The following COL24A1 variants were observed in gnomAD, a reference collection of about 807,000 sequenced individuals.
COL24A1 encodes the protein collagen alpha-1(XXIV) chain.
In COL24A1, 224 loss-of-function variants were observed where a neutral mutation model predicts 253.9. That is an observed-to-expected ratio of 0.88 (90% CI 0.79 to 0.99). The LOEUF is 0.99. Ranked by LOEUF, COL24A1 falls within the 50% of genes least tolerant of loss-of-function variation. The probability of loss-of-function intolerance (pLI) is 0.00; values close to 1 mark genes in which losing one functional copy is unlikely to be tolerated. For synonymous variants in COL24A1, 685 were observed against 673.7 expected, an observed-to-expected ratio of 1.02 and a Z score of -0.26; for missense variants, 2,131 against 2,068.5, an observed-to-expected ratio of 1.03 and a Z score of -0.59.
chr1:85,954,802 C>G (rs560996993), intron 24 of COL24A1, among the ~76,000 whole-genome samples: 1 of 152,138 alleles, frequency 6.6e-6, no homozygotes, highest in South Asian at 2.1e-4. Flanking sequence ...CAGGAGGGGT[C>G]GATGACATTC....
At chr1:85,864,004 G>A (rs367960417) in intron 37 of COL24A1, among the ~76,000 whole-genome samples, 460 of 152,232 alleles carry the variant, frequency 3.0e-3, no homozygotes, top group Middle Eastern at 6.8e-3. Context: ...GATTCCTCAA[G>A]GATCTAGAAC....
intron 14 of COL24A1, chr1:86,030,538 A>C (rs1285990748): frequency 6.6e-6 from 1 of 152,268 alleles, no homozygotes; most frequent in Non-Finnish European, 1.5e-5. Flanking sequence ...AAACAGGACA[A>C]AGCACACACA....
At chr1:86,154,035 C>T (rs1455807178) in intron 1 of COL24A1, 2 of 152,130 alleles carry the variant, frequency 1.3e-5, no homozygotes, top group Non-Finnish European at 2.9e-5. Context: ...TCTTACAAAA[C>T]ATCACCACAA....
intron 7 of COL24A1, among the ~76,000 whole-genome samples, chr1:86,078,168 TATATC>T (rs1702388989): frequency 1.3e-5 from 2 of 152,170 alleles, no homozygotes; most frequent in East Asian, 1.9e-4. Flanking sequence ...ATCACTGTGA[TATATC>T]ATATCAACAG....
intron 37 of COL24A1, among the ~76,000 whole-genome samples, chr1:85,854,026 G>C (rs529765779): frequency 6.6e-6 from 1 of 152,292 alleles, no homozygotes; most frequent in African/African-American, 2.4e-5. Context: ...TCTTTGTCAT[G>C]AAGTCTTTGC....
At chr1:86,000,819 A>T (rs1695322172) in intron 19 of COL24A1, among the ~76,000 whole-genome samples, 1 of 152,166 alleles carries the variant, frequency 6.6e-6, no homozygotes, top group African/African-American at 2.4e-5. Context: ...CATCATCCAA[A>T]ATTCAAATAT....
chr1:85,833,246 C>A (rs1675558785), intron 43 of COL24A1, among the ~76,000 whole-genome samples: 1 of 152,128 alleles, frequency 6.6e-6, no homozygotes, highest in Admixed American at 6.5e-5. Flanking sequence ...TATCCAGAAT[C>A]TACAATGAAC....
chr1:85,809,694 A>G (rs1207880160), intron 47 of COL24A1, among the ~76,000 whole-genome samples: 6 of 151,096 alleles, frequency 4.0e-5, no homozygotes, highest in Admixed American at 1.3e-4. Context: ...TTCTGCTCCA[A>G]TCCATTTTCT....
At chr1:86,111,671 T>C (rs1705626203) in intron 5 of COL24A1, among the ~76,000 whole-genome samples, 1 of 152,156 alleles carries the variant, frequency 6.6e-6, no homozygotes, top group Non-Finnish European at 1.5e-5. Flanking sequence ...CTTTCACTCT[T>C]TGCAATAAAT....
chr1:85,801,143 C>T (rs765574973), intron 47 of COL24A1, among the ~76,000 whole-genome samples: 54 of 152,184 alleles, frequency 3.5e-4, no homozygotes, highest in Non-Finnish European at 7.6e-4. Context: ...TCACTCCTTT[C>T]AGTCTTTTTC....
At chr1:85,923,674 T>A (rs1431048041) in intron 24 of COL24A1, among the ~76,000 whole-genome samples, 1 of 152,188 alleles carries the variant, frequency 6.6e-6, no homozygotes, top group Non-Finnish European at 1.5e-5. Flanking sequence ...AAAAGCAGTG[T>A]GTAGAGGGAA....
At chr1:85,795,831 C>T (rs1434817900) in intron 47 of COL24A1, among the ~76,000 whole-genome samples, 1 of 151,754 alleles carries the variant, frequency 6.6e-6, no homozygotes, top group African/African-American at 2.4e-5. Flanking sequence ...GCCAGCAAAC[C>T]CAGAAGTTAT....
chr1:85,871,872 A>T (rs376934715), intron 35 of COL24A1, among the ~76,000 whole-genome samples: 1 of 152,228 alleles, frequency 6.6e-6, no homozygotes, highest in East Asian at 1.9e-4. Flanking sequence ...AGAAAGAAAT[A>T]AAGGGTATTC....
chr1:86,134,437 A>T (rs9660607), intron 2 of COL24A1, among the ~76,000 whole-genome samples: 142,653 of 148,328 alleles, frequency 0.96, 68,771 homozygotes, highest in Non-Finnish European at 1. Flanking sequence ...TTCATTGTGA[A>T]GTTAGGATGT....
At chr1:85,792,612 G>A (rs1638486454) in intron 47 of COL24A1, among the ~76,000 whole-genome samples, 2 of 151,732 alleles carry the variant, frequency 1.3e-5, no homozygotes, top group Non-Finnish European at 2.9e-5. Flanking sequence ...GGAAGCTGAG[G>A]TGAGAGAATC....
At chr1:86,040,169 C>G in intron 12 of COL24A1, among the ~76,000 whole-genome samples, 1 of 152,188 alleles carries the variant, frequency 6.6e-6, no homozygotes, top group South Asian at 2.1e-4. Flanking sequence ...TTCTGTCCCT[C>G]AATAATAAGA....
intron 24 of COL24A1, among the ~76,000 whole-genome samples, chr1:85,950,153 T>C (rs985791775): frequency 1.3e-5 from 2 of 152,140 alleles, no homozygotes; most frequent in Non-Finnish European, 2.9e-5. Flanking sequence ...AAATATTGTA[T>C]CATAATGGAT....
At chr1:85,764,115 C>T (rs1374745147) in intron 53 of COL24A1, among the ~76,000 whole-genome samples, 3 of 151,972 alleles carry the variant, frequency 2.0e-5, no homozygotes, top group Non-Finnish European at 4.4e-5. Flanking sequence ...TAGGCTGGCT[C>T]AGTTGCACAG....
chr1:85,972,147 T>C (rs1479767237), intron 20 of COL24A1, among the ~76,000 whole-genome samples: 1 of 152,192 alleles, frequency 6.6e-6, no homozygotes, highest in African/African-American at 2.4e-5. Context: ...CCAGCAAAGT[T>C]CTAAGTCTCT....
Sources: gnomAD v4.1 joint callset for allele counts (sites outside exome capture counted in the v4.1 genomes callset) on GRCh38, gnomAD v4.1.1 for gene constraint, MANE v1.5 for transcripts, NCBI Gene and HGNC (gene_info 2026-07-23, HGNC 2026-07-21) for gene names.